Variants in FAM227B observed in about 807,000 individuals in gnomAD.
FAM227B encodes protein FAM227B.
In FAM227B, 88 loss-of-function variants were observed where a neutral mutation model predicts 73.8. The ratio of observed to expected loss-of-function variants is 1.19; its 90% CI spans 1.00 to 1.42. The LOEUF is 1.42. Among genes scored for constraint, FAM227B ranks in the 40% most tolerant of loss-of-function variants. The probability of loss-of-function intolerance (pLI) is 0.00; values close to 1 mark genes in which losing one functional copy is unlikely to be tolerated. For synonymous variants in FAM227B, 210 were observed against 190.5 expected (o/e 1.10, Z -0.84); for missense variants, 632 against 590.9 (o/e 1.07, Z -0.72).
chr15:49,371,456 AAAGCATGAT>A, intron 11 of FAM227B, 57 bp from the exon 12 acceptor site: 1 of 1,028,442 alleles, frequency 9.7e-7, no homozygotes, highest in Non-Finnish European at 1.5e-6. Flanking sequence ...CTTCACAGAA[AAAGCATGAT>A]ACCTCTTTCG....
chr15:49,557,041 C>T (rs2073777436), intron 9 of FAM227B, among the ~76,000 whole-genome samples: 1 of 152,018 alleles, frequency 6.6e-6, no homozygotes, highest in South Asian at 2.1e-4. Flanking sequence ...GCATGGTAGC[C>T]CCATGCAGAG....
At chr15:49,384,947 A>G (rs2046787041) in intron 11 of FAM227B, among the ~76,000 whole-genome samples, 1 of 151,974 alleles carries the variant, frequency 6.6e-6, no homozygotes, top group South Asian at 2.1e-4. Context: ...CCATGGCTCC[A>G]GTTTTTTTCC....
intron 13 of FAM227B, chr15:49,366,254 T>A: frequency 1.3e-6 from 1 of 786,454 alleles, no homozygotes; most frequent in East Asian, 2.4e-5. Context: ...ATCTATAAAG[T>A]CTTTGTCACT....
intron 11 of FAM227B, among the ~76,000 whole-genome samples, chr15:49,379,671 A>G (rs189472209): frequency 6.6e-6 from 1 of 152,258 alleles, no homozygotes; most frequent in African/African-American, 2.4e-5. Context: ...ATGATTTTAG[A>G]CATAATCCAG....
At chr15:49,531,962 A>C (rs1258193078) in intron 10 of FAM227B, among the ~76,000 whole-genome samples, 1 of 151,444 alleles carries the variant, frequency 6.6e-6, no homozygotes, top group Non-Finnish European at 1.5e-5. Context: ...TAAATGACTT[A>C]TGAAGAAATC....
At chr15:49,513,659 T>C (rs1267694919) in intron 10 of FAM227B, among the ~76,000 whole-genome samples, 1 of 152,148 alleles carries the variant, frequency 6.6e-6, no homozygotes, top group African/African-American at 2.4e-5. Context: ...ATTTCATCAT[T>C]AAATCTTTGC....
chr15:49,573,977 T>C (rs1207503008), intron 8 of FAM227B, among the ~76,000 whole-genome samples: 3 of 152,170 alleles, frequency 2.0e-5, no homozygotes, highest in African/African-American at 7.2e-5. Flanking sequence ...ATATTTGGAA[T>C]TGTTATGTTA....
chr15:49,369,159 G>A (rs1268149566), intron 12 of FAM227B, among the ~76,000 whole-genome samples: 2 of 151,976 alleles, frequency 1.3e-5, no homozygotes, highest in African/African-American at 2.4e-5. Context: ...GGGTATCACC[G>A]TGTTAGCCAG....
intron 11 of FAM227B, among the ~76,000 whole-genome samples, chr15:49,473,359 A>T (rs567008768): frequency 6.6e-6 from 1 of 152,182 alleles, no homozygotes; most frequent in Admixed American, 6.5e-5. Flanking sequence ...TATAAAGAAC[A>T]TTGAGTTAAA....
At chr15:49,550,151 G>A (rs1472846629) in intron 9 of FAM227B, among the ~76,000 whole-genome samples, 2 of 144,058 alleles carry the variant, frequency 1.4e-5, no homozygotes, top group African/African-American at 2.6e-5. Context: ...GGCTGGCCGG[G>A]CAGGGGGCTG....
intron 9 of FAM227B, among the ~76,000 whole-genome samples, chr15:49,566,119 T>C (rs1219057741): frequency 1.3e-5 from 2 of 152,364 alleles, no homozygotes; most frequent in South Asian, 2.1e-4. Flanking sequence ...AGGAGACTAA[T>C]ACAGTCACTT....
At chr15:49,384,302 G>T (rs1475547595) in intron 11 of FAM227B, among the ~76,000 whole-genome samples, 1 of 151,970 alleles carries the variant, frequency 6.6e-6, no homozygotes. Flanking sequence ...TACTCTTTGA[G>T]CACTAGTAGC....
chr15:49,608,542 TATTA>T (rs2077673116), intron 3 of FAM227B, among the ~76,000 whole-genome samples: 1 of 152,114 alleles, frequency 6.6e-6, no homozygotes, highest in Non-Finnish European at 1.5e-5. Flanking sequence ...GAAAAGTGAC[TATTA>T]TTTAGCTCTT....
chr15:49,450,757 C>T (rs1467923066), intron 11 of FAM227B, among the ~76,000 whole-genome samples: 6 of 152,026 alleles, frequency 3.9e-5, no homozygotes, highest in South Asian at 2.1e-4. Context: ...AATAACACTG[C>T]GTTTGTTATG....
intron 15 of FAM227B, chr15:49,329,688 C>T: frequency 9.2e-6 from 9 of 977,714 alleles, no homozygotes; most frequent in African/African-American, 1.8e-5. Context: ...TCTATAAATC[C>T]AAAAATCTGA....
chr15:49,395,902 C>G, intron 11 of FAM227B: 1 of 455,346 alleles, frequency 2.2e-6, no homozygotes, highest in Non-Finnish European at 4.4e-6. Context: ...CAGAAACTTC[C>G]AGGTTCTTAA....
At chr15:49,611,100 A>G in intron 3 of FAM227B, 115 bp downstream of exon 3, 2 of 625,504 alleles carry the variant, frequency 3.2e-6, no homozygotes, top group South Asian at 2.2e-5. Context: ...CACTTTCCTC[A>G]TTGAAACATA....
At chr15:49,465,975 G>C (rs1421392088) in intron 11 of FAM227B, among the ~76,000 whole-genome samples, 1 of 152,154 alleles carries the variant, frequency 6.6e-6, no homozygotes, top group East Asian at 1.9e-4. Context: ...GCATAAGATA[G>C]TCTCTTCAAA....
intron 9 of FAM227B, among the ~76,000 whole-genome samples, chr15:49,544,864 G>A (rs772382331): frequency 5.4e-4 from 82 of 152,050 alleles, no homozygotes; most frequent in African/African-American, 6.0e-4. Context: ...ATACTTGATC[G>A]TGGTGTATGA....
Sources: gnomAD v4.1 joint callset for allele counts (sites outside exome capture counted in the v4.1 genomes callset) on GRCh38, gnomAD v4.1.1 for gene constraint, MANE v1.5 for transcripts, NCBI Gene and HGNC (gene_info 2026-07-23, HGNC 2026-07-21) for gene names.